CFAP47: variants seen among roughly 807,000 people sequenced by gnomAD.
The protein encoded by CFAP47 is cilia and flagella associated protein 47, also known as cilia- and flagella-associated protein 47.
A neutral mutation model predicts 148.1 loss-of-function variants in CFAP47; 29 were observed. The observed-to-expected ratio is 0.20, with a 90% confidence interval of 0.15 to 0.27. The LOEUF (loss-of-function observed/expected upper bound fraction) is 0.27, where lower values mean the gene tolerates loss of function less well. Ranked by LOEUF, CFAP47 falls within the 10% of genes least tolerant of loss-of-function variation. The probability of loss-of-function intolerance (pLI) is 1.00; values close to 1 mark genes in which losing one functional copy is unlikely to be tolerated. For missense variants in CFAP47, 1,872 were observed against 1,697.5 expected (o/e 1.10, Z -1.81); for synonymous variants, 664 against 577.3 (o/e 1.15, Z -2.15).
chrX:35,987,239 G>T (rs983454349), intron 15 of CFAP47, among the ~76,000 whole-genome samples: 2 of 111,567 alleles, frequency 1.8e-5, no homozygotes, highest in Non-Finnish European at 3.8e-5. Flanking sequence ...CTGTCCCAGG[G>T]AGATGGGAAT....
intron 33 of CFAP47, among the ~76,000 whole-genome samples, chrX:36,115,132 T>C (rs1938618397): frequency 8.9e-6 from 1 of 112,288 alleles, no homozygotes; most frequent in Admixed American, 9.4e-5. Flanking sequence ...CAAGACTAGA[T>C]GGAATACATC....
At chrX:35,971,164 G>C (rs899770616) in intron 11 of CFAP47, among the ~76,000 whole-genome samples, 43 of 112,233 alleles carry the variant, frequency 3.8e-4, no homozygotes, top group African/African-American at 1.4e-3. Flanking sequence ...CAGTGCCTAT[G>C]ATTTATGGAG....
chrX:35,935,164 T>C (rs1350815674), intron 2 of CFAP47, among the ~76,000 whole-genome samples: 2 of 111,886 alleles, frequency 1.8e-5, no homozygotes, highest in Non-Finnish European at 3.8e-5. Flanking sequence ...CCTTGTGGCC[T>C]AGACTGCCTT....
At chrX:35,970,020 G>A (rs1312663365) in intron 10 of CFAP47, among the ~76,000 whole-genome samples, 2 of 108,488 alleles carry the variant, frequency 1.8e-5, no homozygotes, top group East Asian at 2.9e-4. Flanking sequence ...CCATTAACTC[G>A]TCATTTATAT....
intron 49 of CFAP47, among the ~76,000 whole-genome samples, chrX:36,257,845 C>G (rs781964553): frequency 9.0e-6 from 1 of 111,705 alleles, no homozygotes; most frequent in South Asian, 3.7e-4. Flanking sequence ...TATTTTTACT[C>G]CATACTAAAA....
At chrX:35,927,656 T>G (rs1935765471) in intron 2 of CFAP47, among the ~76,000 whole-genome samples, 1 of 109,776 alleles carries the variant, frequency 9.1e-6, no homozygotes, top group African/African-American at 3.3e-5. Flanking sequence ...TTCTACACAT[T>G]TTTTATCACC....
chrX:36,238,570 A>G (rs1234650885), intron 48 of CFAP47, among the ~76,000 whole-genome samples: 1 of 111,930 alleles, frequency 8.9e-6, no homozygotes, highest in African/African-American at 3.3e-5. Flanking sequence ...AAGGGCCAGT[A>G]ACATGTGAAG....
chrX:36,317,067 C>T (rs782103223), intron 56 of CFAP47, among the ~76,000 whole-genome samples: 1 of 111,967 alleles, frequency 8.9e-6, no homozygotes, highest in Non-Finnish European at 1.9e-5. Flanking sequence ...GCTTATGAGC[C>T]ACTGCGCCCA....
At chrX:36,032,527 G>GAT (rs1011515173) in intron 23 of CFAP47, among the ~76,000 whole-genome samples, 1 of 110,509 alleles carries the variant, frequency 9.0e-6, no homozygotes, top group African/African-American at 3.3e-5. Flanking sequence ...AAAAACAAGA[G>GAT]ATATATATAT....
intron 37 of CFAP47, among the ~76,000 whole-genome samples, chrX:36,156,680 A>T (rs1939371638): frequency 9.0e-6 from 1 of 110,844 alleles, no homozygotes; most frequent in East Asian, 2.8e-4. Context: ...AATAAAAGGT[A>T]AAATAATTAA....
chrX:35,943,759 A>T (rs574643189), intron 3 of CFAP47, among the ~76,000 whole-genome samples: 2 of 111,907 alleles, frequency 1.8e-5, no homozygotes, highest in African/African-American at 6.5e-5. Context: ...TTAATTTAGC[A>T]TGCCTTGAAT....
intron 3 of CFAP47, among the ~76,000 whole-genome samples, chrX:35,947,342 G>A (rs1936097981): frequency 9.2e-6 from 1 of 108,694 alleles, no homozygotes; most frequent in African/African-American, 3.3e-5. Flanking sequence ...TCTCACTGCA[G>A]GTCTGTGGGT....
At chrX:36,085,745 A>T (rs1938075802) in intron 30 of CFAP47, among the ~76,000 whole-genome samples, 1 of 109,223 alleles carries the variant, frequency 9.2e-6, no homozygotes, top group Non-Finnish European at 1.9e-5. Flanking sequence ...ATTTTGAAAA[A>T]TATATAATGC....
At chrX:36,354,582 G>C (rs1340527053) in intron 60 of CFAP47, among the ~76,000 whole-genome samples, 1 of 110,478 alleles carries the variant, frequency 9.1e-6, no homozygotes, top group African/African-American at 3.3e-5. Flanking sequence ...TTTTACTTGA[G>C]GTAAATATGT....
intron 2 of CFAP47, among the ~76,000 whole-genome samples, chrX:35,928,349 TGATA>T (rs1935776982): frequency 9.0e-6 from 1 of 111,587 alleles, no homozygotes; most frequent in Admixed American, 9.6e-5. Context: ...TTAGCTATTC[TGATA>T]GATATTTAAT....
At chrX:36,352,332 A>G (rs1346594935) in intron 59 of CFAP47, among the ~76,000 whole-genome samples, 1 of 111,537 alleles carries the variant, frequency 9.0e-6, no homozygotes, top group Non-Finnish European at 1.9e-5. Flanking sequence ...TAATTTATAT[A>G]TATCATTGTA....
rs932411744 is a variant in CFAP47, at chrX:35,980,236, A to G, written c.2713+4323A>G. Among the ~76,000 whole-genome samples the G allele has an allele frequency of 2.7e-5, 3 of 111,928 alleles. No homozygotes were observed. In the East Asian group the frequency reaches 8.4e-4, roughly 31 times the overall value. On this transcript the variant is annotated intron_variant, in intron 15 of 63. Coordinates refer to ENST00000378653, the MANE Select transcript of CFAP47 (RefSeq NM_001304548.2). ...ACTTTGTTTTCCTTTACAGCCATCCAGTTTCTTTCCCATACCCCTGATATA... is the reference window on the plus strand; with the variant it reads ...ACTTTGTTTTCCTTTACAGCCATCCGGTTTCTTTCCCATACCCCTGATATA...
intron 55 of CFAP47, among the ~76,000 whole-genome samples, chrX:36,309,558 CAATGCTAG>C (rs2146962639): frequency 9.0e-6 from 1 of 110,884 alleles, no homozygotes; most frequent in African/African-American, 3.3e-5. Context: ...ATAATGTAAT[CAATGCTAG>C]GAAAAGTGTT....
At chrX:36,273,225 A>AAT (rs1382388047) in intron 49 of CFAP47, among the ~76,000 whole-genome samples, 1 of 111,962 alleles carries the variant, frequency 8.9e-6, no homozygotes, top group East Asian at 2.8e-4. Flanking sequence ...TTTATATGAT[A>AAT]ATATATACTT....
Sources: gnomAD v4.1 joint callset for allele counts (sites outside exome capture counted in the v4.1 genomes callset) on GRCh38, gnomAD v4.1.1 for gene constraint, MANE v1.5 for transcripts, NCBI Gene and HGNC (gene_info 2026-07-23, HGNC 2026-07-21) for gene names.